The following CXCL13 variants were observed in gnomAD, a reference collection of about 807,000 sequenced individuals.
The protein encoded by CXCL13 is C-X-C motif chemokine ligand 13.
In CXCL13, 7 loss-of-function variants were observed where a neutral mutation model predicts 12.2. That is an observed-to-expected ratio of 0.57 (90% CI 0.33 to 1.07). CXCL13 has a LOEUF of 1.07. Ranked by LOEUF, CXCL13 falls within the 50% of genes least tolerant of loss-of-function variation. The pLI, the probability that CXCL13 is intolerant of heterozygous loss-of-function variation, is 0.04. For synonymous variants in CXCL13, 47 were observed against 42.4 expected (o/e 1.11, Z -0.42); for missense variants, 113 against 127.4 (o/e 0.89, Z 0.55).
chr4:77,553,530 G>A (rs1725583435), intron 1 of CXCL13, among the ~76,000 whole-genome samples: 1 of 152,200 alleles, frequency 6.6e-6, no homozygotes, highest in Admixed American at 6.5e-5. Context: ...GCTCTCCCTT[G>A]GCCTGAATTG....
intron 1 of CXCL13, among the ~76,000 whole-genome samples, chr4:77,523,324 TC>T (rs974620233): frequency 2.0e-5 from 3 of 152,208 alleles, no homozygotes; most frequent in Non-Finnish European, 4.4e-5. Flanking sequence ...GGTTCCATTC[TC>T]CCGATCACTT....
chr4:77,574,235 C>G (rs553421744), intron 1 of CXCL13, among the ~76,000 whole-genome samples: 12 of 151,828 alleles, frequency 7.9e-5, no homozygotes, highest in Admixed American at 1.3e-4. Flanking sequence ...CTTCTTATCA[C>G]CTTCAATGTC....
intron 1 of CXCL13, among the ~76,000 whole-genome samples, chr4:77,593,730 T>G (rs1726673970): frequency 6.6e-6 from 1 of 152,232 alleles, no homozygotes; most frequent in Non-Finnish European, 1.5e-5. Flanking sequence ...CTCTTGATTC[T>G]GGTGAAAATC....
chr4:77,522,978 G>C (rs554773114), intron 1 of CXCL13, among the ~76,000 whole-genome samples: 1 of 152,146 alleles, frequency 6.6e-6, no homozygotes, highest in South Asian at 2.1e-4. Context: ...ATCTTAGTTT[G>C]GCTGGATATT....
intron 1 of CXCL13, among the ~76,000 whole-genome samples, chr4:77,515,139 G>A (rs1258069993): frequency 6.6e-6 from 1 of 152,148 alleles, no homozygotes; most frequent in Non-Finnish European, 1.5e-5. Flanking sequence ...TTATTTCTGA[G>A]GGCTCTGTTC....
chr4:77,545,372 C>T (rs2109803537), intron 1 of CXCL13, among the ~76,000 whole-genome samples: 1 of 152,212 alleles, frequency 6.6e-6, no homozygotes, highest in Non-Finnish European at 1.5e-5. Context: ...ATTCTTCCTA[C>T]CCATGAGCAT....
chr4:77,548,216 T>A (rs762418330), intron 1 of CXCL13, among the ~76,000 whole-genome samples: 8 of 152,192 alleles, frequency 5.3e-5, no homozygotes, highest in Non-Finnish European at 1.2e-4. Flanking sequence ...AAGAGACAAA[T>A]GGAGAGGACA....
chr4:77,525,659 A>G (rs1006793188), intron 1 of CXCL13, among the ~76,000 whole-genome samples: 1 of 152,166 alleles, frequency 6.6e-6, no homozygotes, highest in Non-Finnish European at 1.5e-5. Context: ...AGGAATTAAC[A>G]TGTACATGTT....
At chr4:77,523,315 G>A (rs1306277007) in intron 1 of CXCL13, among the ~76,000 whole-genome samples, 1 of 152,152 alleles carries the variant, frequency 6.6e-6, no homozygotes, top group Admixed American at 6.5e-5. Flanking sequence ...TTCCAACTTG[G>A]TTCCATTCTC....
At chr4:77,561,420 C>G (rs566958148) in intron 1 of CXCL13, among the ~76,000 whole-genome samples, 2 of 152,200 alleles carry the variant, frequency 1.3e-5, no homozygotes, top group Middle Eastern at 3.2e-3. Context: ...CATGGGCCAG[C>G]CACATGTTTG....
At chr4:77,571,099 A>G (rs1726067329) in intron 1 of CXCL13, among the ~76,000 whole-genome samples, 1 of 152,000 alleles carries the variant, frequency 6.6e-6, no homozygotes, top group South Asian at 2.1e-4. Flanking sequence ...CCGGTGTGGG[A>G]TCCACTGGGT....
chr4:77,547,141 A>C (rs1468969676), intron 1 of CXCL13, among the ~76,000 whole-genome samples: 1 of 152,216 alleles, frequency 6.6e-6, no homozygotes, highest in Non-Finnish European at 1.5e-5. Flanking sequence ...ACATTTGCTG[A>C]GGAGTGCTTT....
chr4:77,563,588 C>T, intron 1 of CXCL13, among the ~76,000 whole-genome samples: 1 of 152,150 alleles, frequency 6.6e-6, no homozygotes. Flanking sequence ...AAAAGAAGCA[C>T]TGAAAAGTGA....
At chr4:77,540,181 A>T (rs1725165821) in intron 1 of CXCL13, among the ~76,000 whole-genome samples, 3 of 152,170 alleles carry the variant, frequency 2.0e-5, no homozygotes, top group South Asian at 4.1e-4. Flanking sequence ...GATAGAAAAA[A>T]TTTTTATACA....
At chr4:77,545,784 G>A (rs1041848142) in intron 1 of CXCL13, among the ~76,000 whole-genome samples, 1 of 152,118 alleles carries the variant, frequency 6.6e-6, no homozygotes. Context: ...CCAACACTAT[G>A]TTGAATAGGA....
intron 1 of CXCL13, among the ~76,000 whole-genome samples, chr4:77,565,954 C>A (rs1402663670): frequency 2.0e-5 from 3 of 152,298 alleles, no homozygotes; most frequent in South Asian, 2.1e-4. Context: ...TCCTACAAAC[C>A]TTGAAAAGTC....
At chr4:77,601,382 A>C (rs867309775), upstream of CXCL13, among the ~76,000 whole-genome samples, 3 of 152,340 alleles carry the variant, frequency 2.0e-5, no homozygotes, top group South Asian at 2.1e-4. Flanking sequence ...TCCTCAATAA[A>C]GCTGTTTAAA....
chr4:77,586,301 C>G (rs1037335131), intron 1 of CXCL13, among the ~76,000 whole-genome samples: 3 of 151,788 alleles, frequency 2.0e-5, no homozygotes, highest in African/African-American at 7.3e-5. Context: ...ACAATGAAAT[C>G]ACATGTAAAA....
At position 77,564,769 on chromosome 4, in the gene CXCL13, G is replaced by A. The variant is rs144325320; in HGVS notation, c.-42-41055G>A. 4.5e-3 allele frequency among the ~76,000 whole-genome samples: 683 copies of A among 152,246 alleles called. 18 individuals are homozygous for A. The highest frequency in any genetic ancestry group is 0.027 in the East Asian group (140 of 5,184). On this transcript the variant is annotated intron_variant, in intron 1 of 4. Coordinates refer to the CXCL13 transcript ENST00000286758. ...ATATAGCTCCCCTACCAAGTAAAAT[G>A]GCTCTCCACTCTAAAAGGCATGATG... is the stretch of plus-strand genomic sequence containing the variant.
Sources: gnomAD v4.1 joint callset for allele counts (sites outside exome capture counted in the v4.1 genomes callset) on GRCh38, gnomAD v4.1.1 for gene constraint, MANE v1.5 for transcripts, NCBI Gene and HGNC (gene_info 2026-07-23, HGNC 2026-07-21) for gene names.